The following AXIN2 variants were observed in gnomAD, a reference collection of about 807,000 sequenced individuals.
The protein encoded by AXIN2 is axin-2.
In AXIN2, 21 loss-of-function variants were observed where a neutral mutation model predicts 74.7. The ratio of observed to expected loss-of-function variants is 0.28; its 90% CI spans 0.20 to 0.40. The LOEUF is 0.40. AXIN2 is among the 10% of genes least tolerant of loss of function. AXIN2 has a pLI of 1.00. For missense variants in AXIN2, 1,144 were observed against 1,111.1 expected (o/e 1.03, Z -0.42); for synonymous variants, 532 against 454.9 (o/e 1.17, Z -2.16).
At chr17:65,538,750 A>G (rs1293703001) in intron 4 of AXIN2, among the ~76,000 whole-genome samples, 7 of 150,278 alleles carry the variant, frequency 4.7e-5, no homozygotes, top group Non-Finnish European at 1.0e-4. Flanking sequence ...CTCAAGGAAT[A>G]GAAAGTAGAA....
rs1328409904 is a variant in AXIN2 at position 65,528,630 on chromosome 17, T to C, written c.*1346A>G. 2 of 503,082 alleles carry C rather than the reference T, an allele frequency of 4.0e-6. No individual in the cohort carries two copies. Among genetic ancestry groups the C allele is most frequent in the Admixed American group, 5.6e-5 (2 of 35,736 alleles). The allele number at this position is 503,082 out of a possible 1,614,324, so 31.2% of individuals were successfully genotyped here. ...TTACAATAATTATTGTACCAAGTAA[T>C]TTTCCTTAAATGAACTCTTTATAAT... is the stretch of plus-strand genomic sequence containing the variant. On this transcript the variant is annotated 3_prime_UTR_variant, in exon 11 of 11. Coordinates refer to ENST00000307078, the MANE Select transcript of AXIN2 (RefSeq NM_004655.4).
At position 65,549,673 on chromosome 17, in the gene AXIN2, T is replaced by A. The variant is rs1296767461; in HGVS notation, c.816-13A>T. ...CCTCTTGAAGGACCTATGGGCAAAG[T>A]ACAAAAGTGGTTCAGTCACTGACCC... is the stretch of plus-strand genomic sequence containing the variant. On this transcript the variant is annotated splice_polypyrimidine_tract_variant and intron_variant, in intron 2 of 10. Coordinates refer to ENST00000307078, the MANE Select transcript of AXIN2 (RefSeq NM_004655.4). 6.3e-7 allele frequency: 1 copy of A among 1,589,394 alleles called. No individual in the cohort carries two copies. Among genetic ancestry groups the A allele is most frequent in the South Asian group, 1.1e-5 (1 of 87,266 alleles).
intron 3 of AXIN2, among the ~76,000 whole-genome samples, chr17:65,542,055 T>G (rs1186790443): frequency 2.0e-5 from 3 of 152,216 alleles, no homozygotes; most frequent in Non-Finnish European, 4.4e-5. Flanking sequence ...TAGTGAAGCA[T>G]GCATAACTCT....
At chr17:65,549,130 G>C (rs2044155917) in intron 3 of AXIN2, among the ~76,000 whole-genome samples, 1 of 152,200 alleles carries the variant, frequency 6.6e-6, no homozygotes, top group African/African-American at 2.4e-5. Flanking sequence ...CCAGCTGTTG[G>C]TTCTGCAGAC....
chr17:65,548,503 T>TTG (rs2044146715), intron 3 of AXIN2, among the ~76,000 whole-genome samples: 1 of 152,200 alleles, frequency 6.6e-6, no homozygotes, highest in Admixed American at 6.5e-5. Context: ...AATTGTTCCT[T>TTG]TAGCAGGCGA....
chr17:65,541,390 A>G, intron 4 of AXIN2, 65 bp downstream of exon 4: 1 of 1,432,522 alleles, frequency 7.0e-7, no homozygotes, highest in Non-Finnish European at 9.9e-7. Flanking sequence ...TCCACCACCC[A>G]TTTCTTTTCT....
rs75747149 is a variant in AXIN2 at position 65,538,249 on chromosome 17, A to C, written c.1154T>G (p.Leu385Trp). The C allele has an allele frequency of 4.3e-6, 7 of 1,614,106 alleles. No individual in the cohort carries two copies. Among genetic ancestry groups the C allele is most frequent in the Non-Finnish European group, 5.9e-6 (7 of 1,180,008 alleles). Residue 385 changes from leucine (L) to tryptophan (W), a missense_variant, in exon 5 of 11, where the codon TTG becomes TGG. Leu to Trp is a moderately conservative substitution (Grantham distance 61). Coordinates refer to ENST00000307078, the MANE Select transcript of AXIN2 (RefSeq NM_004655.4). ...CTCCTCCAGGCTGTGGCGGCTCTCC[A>C]ACTCCAGCTTCAGCTTTTCCAGCCT... Reference protein sequence around the residue: ...ISRLEKLKLELESRHSLEERL... With the variant: ...ISRLEKLKLEWESRHSLEERL...
chr17:65,558,323 C>T lies in AXIN2; in HGVS notation c.298G>A (p.Glu100Lys). The change falls in exon 2 of 11, where the codon GAG (glutamate) becomes AAG (lysine). Residue 100 changes from glutamate (E) to lysine (K), a missense_variant. Physicochemically the swap from Glu to Lys is moderately conservative, Grantham distance 56. This residue lies in a region of AXIN2 where 1,053 missense variants were observed against 973.5 expected (regional missense o/e 1.08). Coordinates refer to ENST00000307078, the MANE Select transcript of AXIN2 (RefSeq NM_004655.4). ...DGAYLFRTFL[E>K]REKCVDTLDF... ...AAGGTATCCACGCATTTCTCCCTCT[C>T]CAGGAAAGTTCGGAACAGGTAAGCA... The T allele has an allele frequency of 6.2e-7, 1 of 1,614,210 alleles. No homozygotes were observed. The highest frequency in any genetic ancestry group is 8.5e-7 in the Non-Finnish European group (1 of 1,180,040).
At position 65,528,790 on chromosome 17, in the gene AXIN2, A is replaced by G. The variant is rs1378972069; in HGVS notation, c.*1186T>C. On this transcript the variant is annotated 3_prime_UTR_variant, in exon 11 of 11. Transcript: ENST00000307078. ...ACAAGGGAAAGCTTGAGCCCTCAAT[A>G]TAGGGCGACACACGGAGCGGGTGAC... is the stretch of plus-strand genomic sequence containing the variant. 1 of 490,660 alleles carries G rather than the reference A, an allele frequency of 2.0e-6. No homozygotes were observed. Among genetic ancestry groups the G allele is most frequent in the Non-Finnish European group, 3.8e-6 (1 of 263,824 alleles). The allele number at this position is 490,660 out of a possible 1,614,324, so 30.4% of individuals were successfully genotyped here.
At chr17:65,533,773 GGAGCCTCCCCCAGCGCCTGCT>G (rs1192686270) in intron 10 of AXIN2, 118 bp downstream of exon 10, 2 of 983,250 alleles carry the variant, frequency 2.0e-6, no homozygotes, top group Admixed American at 4.2e-5. Context: ...AAATGAGAAG[GGAGCCTCCCCCAGCGCCTGCT>G]GAGCCCCCTC....
At chr17:65,549,388 C>T in intron 3 of AXIN2, 132 bp downstream of exon 3, 1 of 1,124,114 alleles carries the variant, frequency 8.9e-7, no homozygotes, top group East Asian at 2.6e-5. Context: ...ACTCCCCTCC[C>T]ACCAAACTGA....
chr17:65,539,928 T>C (rs547666570), intron 4 of AXIN2, among the ~76,000 whole-genome samples: 1 of 152,314 alleles, frequency 6.6e-6, no homozygotes, highest in South Asian at 2.1e-4. Flanking sequence ...TGCTGGCTGC[T>C]TTAGCAAGCA....
intron 2 of AXIN2, among the ~76,000 whole-genome samples, chr17:65,549,920 C>T (rs962083475): frequency 1.3e-5 from 2 of 152,194 alleles, no homozygotes; most frequent in Non-Finnish European, 2.9e-5. Context: ...ATTCCAGAGG[C>T]AGCCCAGGGG....
At chr17:65,536,661 TA>T (rs368452860) in intron 7 of AXIN2, 108 bp from the exon 8 acceptor site, 1,807 of 1,212,424 alleles carry the variant, frequency 1.5e-3, no homozygotes, top group Non-Finnish European at 1.7e-3. Flanking sequence ...GAGAGAGAGT[TA>T]AAAAAAAAAC....
At chr17:65,556,078 C>T (rs2044262504) in intron 2 of AXIN2, among the ~76,000 whole-genome samples, 1 of 152,176 alleles carries the variant, frequency 6.6e-6, no homozygotes, top group Admixed American at 6.5e-5. Context: ...TCATGAGTTG[C>T]ATCCTGGTAA....
At chr17:65,556,580 G>A (rs1178704396) in intron 2 of AXIN2, among the ~76,000 whole-genome samples, 1 of 152,120 alleles carries the variant, frequency 6.6e-6, no homozygotes, top group Non-Finnish European at 1.5e-5. Flanking sequence ...GCGCCCCCTG[G>A]TGGTTGGAGA....
intron 10 of AXIN2, among the ~76,000 whole-genome samples, chr17:65,533,399 GA>G (rs2043856184): frequency 6.6e-6 from 1 of 152,212 alleles, no homozygotes. Flanking sequence ...GGCAGGGTAA[GA>G]AAAACACGGG....
At chr17:65,554,667 G>C (rs1232403912) in intron 2 of AXIN2, among the ~76,000 whole-genome samples, 1 of 152,208 alleles carries the variant, frequency 6.6e-6, no homozygotes, top group Non-Finnish European at 1.5e-5. Context: ...TCAGAGAACT[G>C]GAAGCAGCAC....
chr17:65,546,099 G>GC (rs1567761679), intron 3 of AXIN2, among the ~76,000 whole-genome samples: 1 of 91,036 alleles, frequency 1.1e-5, no homozygotes, highest in African/African-American at 4.3e-5. Flanking sequence ...AGGGCAGCCA[G>GC]CCCCCCTCCC....
Sources: allele counts gnomAD v4.1 joint callset (sites outside exome capture counted in the v4.1 genomes callset), GRCh38; gene constraint gnomAD v4.1.1; regional missense constraint gnomAD v4.1.1; transcripts MANE v1.5; gene names NCBI Gene and HGNC (gene_info 2026-07-23, HGNC 2026-07-21).